ZNF704: variants seen among roughly 807,000 people sequenced by gnomAD.
The protein encoded by ZNF704 is zinc finger protein 704.
Under a neutral mutation model 44.7 loss-of-function variants are expected in ZNF704, and 10 were observed. The ratio of observed to expected loss-of-function variants is 0.22; its 90% CI spans 0.14 to 0.38. ZNF704 has a LOEUF of 0.38. Ranked by LOEUF, ZNF704 falls within the 10% of genes least tolerant of loss-of-function variation. The probability of loss-of-function intolerance (pLI) is 1.00; values close to 1 mark genes in which losing one functional copy is unlikely to be tolerated. For synonymous variants in ZNF704, 211 were observed against 207.6 expected, an observed-to-expected ratio of 1.02 and a Z score of -0.14; for missense variants, 390 against 545.5, an observed-to-expected ratio of 0.71 and a Z score of 2.84.
chr8:80,736,946 T>A (rs139063648), intron 2 of ZNF704, among the ~76,000 whole-genome samples: 3,640 of 151,770 alleles, frequency 0.024, 149 homozygotes, highest in African/African-American at 0.08. Context: ...TTTTTTTTTT[T>A]AAAAAGCTCA....
intron 2 of ZNF704, among the ~76,000 whole-genome samples, chr8:80,814,909 T>A (rs1808151021): frequency 6.6e-6 from 1 of 152,178 alleles, no homozygotes; most frequent in African/African-American, 2.4e-5. Context: ...ATTACAAATT[T>A]GACATGGGCG....
At position 80,640,006 on chromosome 8, in the gene ZNF704, C is replaced by CA. The variant is rs1281735498; in HGVS notation, c.*1359dup. 2 of 152,572 alleles carry CA rather than the reference C, an allele frequency of 1.3e-5. No homozygotes were observed. The highest frequency in any genetic ancestry group is 2.9e-5 in the Non-Finnish European group (2 of 68,038). The allele number at this position is 152,572 out of a possible 1,614,324, so 9.5% of individuals were successfully genotyped here. The stretch of plus-strand genomic sequence containing the variant: ...CCCCTCTCCCCACACCACTATCCCC[C>CA]AAACAAACAAGCAAGTAAGTTACGA... On this transcript the variant is annotated 3_prime_UTR_variant, in exon 9 of 9. Coordinates refer to ENST00000327835, the MANE Select transcript of ZNF704 (RefSeq NM_001033723.3).
intron 2 of ZNF704, among the ~76,000 whole-genome samples, chr8:80,804,708 G>C (rs1297137777): frequency 6.6e-6 from 1 of 152,110 alleles, no homozygotes; most frequent in Non-Finnish European, 1.5e-5. Context: ...AGAGCATCAG[G>C]AAGAATAGTT....
chr8:80,673,011 C>T (rs1307039838), intron 4 of ZNF704, among the ~76,000 whole-genome samples: 1 of 152,158 alleles, frequency 6.6e-6, no homozygotes, highest in African/African-American at 2.4e-5. Context: ...GGCCTAATGC[C>T]TACCATAATT....
At chr8:80,812,089 T>G (rs1336374166) in intron 2 of ZNF704, 1 of 152,370 alleles carries the variant, frequency 6.6e-6, no homozygotes, top group African/African-American at 2.4e-5. Flanking sequence ...CGGGGACAGC[T>G]GCTTTATAGA....
At chr8:80,877,193 A>G (rs1270877446), upstream of ZNF704, among the ~76,000 whole-genome samples, 1 of 141,698 alleles carries the variant, frequency 7.1e-6, no homozygotes, top group South Asian at 2.1e-4. Context: ...GGGAAAAAAA[A>G]AAAAAAAAAA....
intron 4 of ZNF704, among the ~76,000 whole-genome samples, chr8:80,686,155 G>A (rs914668530): frequency 7.2e-5 from 11 of 152,152 alleles, no homozygotes; most frequent in Non-Finnish European, 2.9e-5. Flanking sequence ...AAAAGAATAT[G>A]AACTTGAGGC....
At chr8:80,879,784 C>T in the ZNF704 span, among the ~76,000 whole-genome samples, 1 of 152,116 alleles carries the variant, frequency 6.6e-6, no homozygotes, top group Non-Finnish European at 1.5e-5. Context: ...GATAATTGTT[C>T]AATCTAAGAT....
At chr8:80,690,594 G>A (rs113938675) in intron 3 of ZNF704, among the ~76,000 whole-genome samples, 3 of 152,260 alleles carry the variant, frequency 2.0e-5, no homozygotes, top group African/African-American at 7.2e-5. Flanking sequence ...CTTTAGCACT[G>A]CCAAAGTGAG....
intron 7 of ZNF704, among the ~76,000 whole-genome samples, chr8:80,651,375 T>C (rs1207334273): frequency 1.3e-5 from 2 of 152,112 alleles, no homozygotes; most frequent in African/African-American, 4.8e-5. Flanking sequence ...GACTGGCAAA[T>C]TGGATAAAGA....
intron 2 of ZNF704, among the ~76,000 whole-genome samples, chr8:80,758,796 G>C (rs987454219): frequency 6.6e-6 from 1 of 152,086 alleles, no homozygotes; most frequent in Non-Finnish European, 1.5e-5. Flanking sequence ...TTATATCACA[G>C]TTTAATTGGC....
In ZNF704 at chr8:80,739,407, T is replaced by C. The variant is rs565567292; in HGVS notation, c.222-46300A>G. ...CTCTCCTATTTCTCCTCCCCTTCTCTTATTTGCTGTGTAGATGGAGAAATG... is the reference window on the plus strand; with the variant it reads ...CTCTCCTATTTCTCCTCCCCTTCTCCTATTTGCTGTGTAGATGGAGAAATG... On this transcript the variant is annotated intron_variant, in intron 2 of 8. Coordinates refer to ENST00000327835, the MANE Select transcript of ZNF704 (RefSeq NM_001033723.3). Among the ~76,000 whole-genome samples the C allele has an allele frequency of 1.4e-3, 207 of 152,226 alleles. 1 individual carries two copies. Among genetic ancestry groups the C allele is most frequent in the African/African-American group, 4.8e-3 (199 of 41,546 alleles).
In ZNF704 at chr8:80,697,777, C is replaced by T. The variant is rs981260598; in HGVS notation, c.222-4670G>A. Reference sequence around the variant, plus strand: ...CTAACCTTCCAATTCCTGACTACATCCATAGCGTGTGTCCTCCGTGAGGGA... The same window carrying T: ...CTAACCTTCCAATTCCTGACTACATTCATAGCGTGTGTCCTCCGTGAGGGA... On this transcript the variant is annotated intron_variant, in intron 2 of 8. Transcript: ENST00000327835. Among the ~76,000 whole-genome samples, 13 of 152,352 alleles carry T rather than the reference C, an allele frequency of 8.5e-5. No homozygotes were observed. The East Asian group carries it at 2.5e-3, about 29-fold the overall frequency.
intron 2 of ZNF704, among the ~76,000 whole-genome samples, chr8:80,696,582 T>A (rs117482410): frequency 0.018 from 2,733 of 152,222 alleles, 40 homozygotes; most frequent in Non-Finnish European, 0.028. Context: ...CACCCTCAGC[T>A]GATTTTTGTA....
chr8:80,841,085 C>A (rs1304608977), intron 1 of ZNF704, among the ~76,000 whole-genome samples: 1 of 152,242 alleles, frequency 6.6e-6, no homozygotes, highest in Admixed American at 6.5e-5. Flanking sequence ...ATACCCCGCA[C>A]TGCCTCCCAC....
intron 2 of ZNF704, among the ~76,000 whole-genome samples, chr8:80,721,640 A>G (rs1053481309): frequency 6.6e-6 from 1 of 152,176 alleles, no homozygotes; most frequent in Non-Finnish European, 1.5e-5. Flanking sequence ...CACTTCCACC[A>G]TATACAAAAT....
intron 4 of ZNF704, among the ~76,000 whole-genome samples, chr8:80,675,187 GAGA>G (rs1313713587): frequency 6.6e-6 from 1 of 152,208 alleles, no homozygotes; most frequent in Non-Finnish European, 1.5e-5. Flanking sequence ...CTGAAAGTTG[GAGA>G]AGGAGCCAGC....
At chr8:80,778,826 A>G (rs1167671539) in intron 2 of ZNF704, among the ~76,000 whole-genome samples, 1 of 152,114 alleles carries the variant, frequency 6.6e-6, no homozygotes, top group Non-Finnish European at 1.5e-5. Context: ...GAACACAAAG[A>G]AGGGAATGAC....
chr8:80,651,019 C>G (rs939347707), intron 7 of ZNF704, among the ~76,000 whole-genome samples: 2 of 152,190 alleles, frequency 1.3e-5, no homozygotes, highest in Admixed American at 6.5e-5. Context: ...ATTCAACATT[C>G]TTAAAGAAAA....
Sources: gnomAD v4.1 joint callset for allele counts (sites outside exome capture counted in the v4.1 genomes callset) on GRCh38, gnomAD v4.1.1 for gene constraint, MANE v1.5 for transcripts, NCBI Gene and HGNC (gene_info 2026-07-23, HGNC 2026-07-21) for gene names.